ZDHHC1: variants seen among roughly 807,000 people sequenced by gnomAD.
ZDHHC1 encodes the protein palmitoyltransferase ZDHHC1.
ZDHHC1 carries 45 observed loss-of-function variants against 46.9 expected under a neutral mutation model. The ratio of observed to expected loss-of-function variants is 0.96; its 90% CI spans 0.76 to 1.23. The LOEUF is 1.23. Among genes scored for constraint, ZDHHC1 ranks in the 50% most tolerant of loss-of-function variants. ZDHHC1 has a pLI of 0.00. For synonymous variants in ZDHHC1, 291 were observed against 286.0 expected (o/e 1.02, Z -0.18); for missense variants, 649 against 670.8 (o/e 0.97, Z 0.36).
In ZDHHC1 at chr16:67,404,374, G is replaced by C. The variant is rs536619361; in HGVS notation, c.252+1826C>G. ...AGCCTTCCCTTCAGCTGGGGGCCCA[G>C]CACCCTAGGGCTCAGCTTGTATCCC... is the stretch of plus-strand genomic sequence containing the variant. On this transcript the variant is annotated intron_variant, in intron 3 of 11. Transcript: ENST00000565726. 6 of 219,656 alleles carry C rather than the reference G, an allele frequency of 2.7e-5. No homozygotes were observed. In the South Asian group the frequency reaches 4.3e-4, roughly 16 times the overall value. The allele number at this position is 219,656 out of a possible 1,614,324, so 13.6% of individuals were successfully genotyped here.
At chr16:67,408,913 T>C (rs954563417) in intron 1 of ZDHHC1, among the ~76,000 whole-genome samples, 1 of 152,242 alleles carries the variant, frequency 6.6e-6, no homozygotes, top group African/African-American at 2.4e-5. Context: ...GGCCAATCTC[T>C]GTGGCTTGCA....
At chr16:67,407,714 G>C in intron 2 of ZDHHC1, 53 bp downstream of exon 2, 3 of 780,548 alleles carry the variant, frequency 3.8e-6, no homozygotes, top group Non-Finnish European at 7.2e-6. Flanking sequence ...GCTGGGTGGG[G>C]TTTATTCATC....
At chr16:67,399,270 C>G (rs543966422) in intron 5 of ZDHHC1, 85 bp downstream of exon 5, 6 of 1,276,306 alleles carry the variant, frequency 4.7e-6, no homozygotes, top group Admixed American at 4.0e-5. Flanking sequence ...CATCCCCGCC[C>G]GCCTGCCATG....
At chr16:67,408,152 G>C (rs2040695148) in intron 1 of ZDHHC1, among the ~76,000 whole-genome samples, 1 of 152,082 alleles carries the variant, frequency 6.6e-6, no homozygotes, top group Non-Finnish European at 1.5e-5. Flanking sequence ...GTGGTATTTG[G>C]GTTTTGGGTT....
intron 1 of ZDHHC1, among the ~76,000 whole-genome samples, chr16:67,413,682 G>A (rs1294561564): frequency 2.0e-5 from 3 of 152,208 alleles, no homozygotes; most frequent in African/African-American, 7.2e-5. Context: ...GCTCATGCCT[G>A]TAATCCCAGA....
At position 67,400,930 on chromosome 16, in the gene ZDHHC1, C is replaced by T. The variant is rs757943748; in HGVS notation, c.428+27G>A. 5.0e-6 allele frequency: 8 copies of T among 1,607,984 alleles called. No homozygotes were observed. The South Asian group carries it at 8.9e-5, about 18-fold the overall frequency. ...ACCATACACCCCACAGCACACTCGG[C>T]AGCCACAAGCACCCACACACACTCA... On this transcript the variant is annotated intron_variant, in intron 4 of 11. Coordinates refer to ENST00000565726, the MANE Select transcript of ZDHHC1 (RefSeq NM_001323627.2).
intron 1 of ZDHHC1, among the ~76,000 whole-genome samples, chr16:67,408,548 G>A (rs768428994): frequency 7.9e-5 from 12 of 151,582 alleles, no homozygotes; most frequent in East Asian, 3.9e-4. Flanking sequence ...GTGCCGTGGC[G>A]CAATGATAGC....
In ZDHHC1 at chr16:67,399,313, A is replaced by G. The variant is rs1190507703; in HGVS notation, c.530+42T>C. The G allele has an allele frequency of 2.6e-6, 4 of 1,552,756 alleles. No individual in the cohort carries two copies. In the Admixed American group the frequency reaches 6.9e-5, roughly 27 times the overall value. On this transcript the variant is annotated intron_variant, in intron 5 of 11. Transcript: ENST00000565726. ...CAAGGTCTGTGGCTCCCACCCTCAGACAGTGCATCCCCAGGCCCGCGTGCG... is the reference window on the plus strand; with the variant it reads ...CAAGGTCTGTGGCTCCCACCCTCAGGCAGTGCATCCCCAGGCCCGCGTGCG...
At chr16:67,402,681 C>T (rs1425162894) in intron 3 of ZDHHC1, among the ~76,000 whole-genome samples, 1 of 151,532 alleles carries the variant, frequency 6.6e-6, no homozygotes, top group Non-Finnish European at 1.5e-5. Flanking sequence ...GGCTGGAGTG[C>T]AATGGCACGA....
At chr16:67,409,863 GCTTCT>G (rs1488008023) in intron 1 of ZDHHC1, among the ~76,000 whole-genome samples, 3 of 152,192 alleles carry the variant, frequency 2.0e-5, no homozygotes, top group African/African-American at 7.2e-5. Context: ...GCCCTCAGGG[GCTTCT>G]CTTCTGGGAC....
chr16:67,416,350 G>A lies in ZDHHC1; in HGVS notation c.-218C>T. The A allele has an allele frequency of 5.5e-6, 1 of 182,810 alleles. No individual in the cohort carries two copies. Among genetic ancestry groups the A allele is most frequent in the Admixed American group, 6.4e-5 (1 of 15,602 alleles). The allele number at this position is 182,810 out of a possible 1,614,324, so 11.3% of individuals were successfully genotyped here. On this transcript the variant is annotated 5_prime_UTR_variant, in exon 1 of 12. Transcript: ENST00000565726. ...CGGGGCCCCATCCCGGACGGAGACT[G>A]GGCCGGTGAGTCCTCGAGCTCTGGC...
intron 7 of ZDHHC1, 34 bp from the exon 8 acceptor site, chr16:67,398,358 A>G: frequency 6.3e-7 from 1 of 1,596,472 alleles, no homozygotes. Flanking sequence ...AGTGCGGTGG[A>G]AGGGGGACTC....
rs1157258850 is a variant in ZDHHC1 at position 67,394,868 on chromosome 16, G to A, written c.1191C>T (p.Ser397=). 4.5e-6 allele frequency: 7 copies of A among 1,567,284 alleles called. No individual in the cohort carries two copies. The South Asian group carries it at 5.8e-5, about 13-fold the overall frequency. The change falls in exon 12 of 12, where the codon TCC becomes TCT. Residue 397 remains serine (S), a synonymous_variant. Transcript: ENST00000565726. ...CGTCCGCGGAATCCGTCGACGAGCT[G>A]GAGCGGCGGCTGGGGGCCCTAGGCC... The part of the protein sequence containing the change: ...ASGPRAPSRR[S]SSSTDSADAS...
At position 67,398,431 on chromosome 16, in the gene ZDHHC1, C is replaced by T. The variant is rs1470146944; in HGVS notation, c.815-107G>A. On this transcript the variant is annotated intron_variant, in intron 7 of 11. Coordinates refer to ENST00000565726, the MANE Select transcript of ZDHHC1 (RefSeq NM_001323627.2). ...GCTGAAACCAGTGTCCCCAAATACA[C>T]GAAGCCATCAGGTGAGACCTGGCCA... 1.2e-5 allele frequency: 18 copies of T among 1,511,046 alleles called. No homozygotes were observed. The East Asian group carries it at 1.9e-4, about 16-fold the overall frequency. 93.6% of individuals were successfully genotyped at this position (1,511,046 alleles called of 1,614,324 possible). A position where few individuals can be genotyped will look rare whatever the true frequency, so the allele number is the denominator to read the frequency against.
chr16:67,406,364 G>A lies in ZDHHC1; in HGVS notation c.88C>T (p.Pro30Ser). The A allele has an allele frequency of 2.5e-6, 4 of 1,584,406 alleles. No homozygotes were observed. Among genetic ancestry groups the A allele is most frequent in the Non-Finnish European group, 1.7e-6 (2 of 1,165,186 alleles). ...VWTAPAQPSG[P>S]SPELQGQRSR... ...CGCTGGCCCTGCAGCTCAGGGGAGG[G>A]TCCGCTGGGCTGTGCCGGTGCCGTC... Residue 30 changes from proline (P) to serine (S), a missense_variant, in exon 3 of 12, where the codon CCC becomes TCC. Physicochemically the swap from Pro to Ser is moderately conservative, Grantham distance 74. Coordinates refer to ENST00000565726, the MANE Select transcript of ZDHHC1 (RefSeq NM_001323627.2). The surrounding 1 kb of genome is among the most constrained non-coding windows in gnomAD (Gnocchi z 4.1).
intron 3 of ZDHHC1, among the ~76,000 whole-genome samples, chr16:67,402,542 G>A (rs1404869129): frequency 2.6e-5 from 4 of 152,128 alleles, no homozygotes; most frequent in African/African-American, 9.7e-5. Flanking sequence ...GTCTACTGAG[G>A]TCTTTTGTTG....
chr16:67,401,155 C>CA lies in ZDHHC1; in HGVS notation c.253-24dup, dbSNP rs2040547024. On this transcript the variant is annotated intron_variant, in intron 3 of 11. Transcript: ENST00000565726. The surrounding 1 kb of genome is among the most constrained non-coding windows in gnomAD (Gnocchi z 4.6). ...GCACTGGCCCAGCAGGTTAAAGACT[C>CA]ACTCCACTCTGCCGGCTGGGAGTCC... The CA allele has an allele frequency of 1.9e-6, 3 of 1,611,074 alleles. No homozygotes were observed. The highest frequency in any genetic ancestry group is 2.5e-6 in the Non-Finnish European group (3 of 1,178,886).
intron 1 of ZDHHC1, among the ~76,000 whole-genome samples, chr16:67,414,015 T>C (rs1481908085): frequency 6.6e-6 from 1 of 151,204 alleles, no homozygotes; most frequent in East Asian, 1.9e-4. Flanking sequence ...TGAGTTGACA[T>C]GGTTTGCAAA....
At chr16:67,407,254 GGGGTAGGCTACA>G (rs1331827808) in intron 2 of ZDHHC1, among the ~76,000 whole-genome samples, 1 of 152,212 alleles carries the variant, frequency 6.6e-6, no homozygotes, top group African/African-American at 2.4e-5. Flanking sequence ...CAGGCAAGAA[GGGGTAGGCTACA>G]GGAGGAAGAC....
Sources: gnomAD v4.1 joint callset for allele counts (sites outside exome capture counted in the v4.1 genomes callset) on GRCh38, gnomAD v4.1.1 for gene constraint, Gnocchi (gnomAD v3.1) non-coding constraint, MANE v1.5 for transcripts, NCBI Gene and HGNC (gene_info 2026-07-23, HGNC 2026-07-21) for gene names.